Variants in PHKB observed in about 807,000 individuals in gnomAD.
PHKB encodes the protein phosphorylase kinase regulatory subunit beta, also known as phosphorylase b kinase regulatory subunit beta.
Under a neutral mutation model 152.1 loss-of-function variants are expected in PHKB, and 122 were observed. That is an observed-to-expected ratio of 0.80 (90% CI 0.69 to 0.93). The LOEUF (loss-of-function observed/expected upper bound fraction) is 0.93, where lower values mean the gene tolerates loss of function less well. Among genes scored for constraint, PHKB ranks in the 40% least tolerant of loss-of-function variants. PHKB has a pLI of 0.00. For missense variants in PHKB, 1,304 were observed against 1,328.4 expected (o/e 0.98, Z 0.29); for synonymous variants, 436 against 464.9 (o/e 0.94, Z 0.80).
At chr16:47,504,949 C>A (rs1970387098) in intron 4 of PHKB, among the ~76,000 whole-genome samples, 2 of 152,202 alleles carry the variant, frequency 1.3e-5, no homozygotes, top group Admixed American at 1.3e-4. Flanking sequence ...TGTGCCTGGT[C>A]AGGGCAAAGC....
intron 7 of PHKB, among the ~76,000 whole-genome samples, chr16:47,550,850 G>GT (rs1422036452): frequency 3.9e-5 from 6 of 152,032 alleles, no homozygotes; most frequent in Admixed American, 1.3e-4. Context: ...TGGTCCTGGG[G>GT]TTTTTTTGGT....
At chr16:47,596,339 T>A in intron 12 of PHKB, 34 bp from the exon 13 acceptor site, 1 of 1,431,780 alleles carries the variant, frequency 7.0e-7, no homozygotes, top group Non-Finnish European at 9.8e-7. Flanking sequence ...TACAGATTTG[T>A]TATATTTTAA....
intron 6 of PHKB, among the ~76,000 whole-genome samples, chr16:47,520,512 T>C (rs1970668158): frequency 6.6e-6 from 1 of 152,228 alleles, no homozygotes; most frequent in African/African-American, 2.4e-5. Flanking sequence ...TCATTTTCTA[T>C]GCTGACAGTG....
rs150361288 is a variant in PHKB, at chr16:47,662,487, G to A, written c.2278+687G>A. ...TTATTTGAAAATACTCTGTTAAGAG[G>A]TGTGTGTTGATATGGTTAGAACTGA... On this transcript the variant is annotated intron_variant, in intron 23 of 30. Transcript: ENST00000323584. 4.6e-3 allele frequency among the ~76,000 whole-genome samples: 706 copies of A among 152,282 alleles called. 1 individual carries two copies. The highest frequency in any genetic ancestry group is 7.4e-3 in the Non-Finnish European group (500 of 68,026).
At chr16:47,595,200 TGTA>T (rs1236916921) in intron 12 of PHKB, among the ~76,000 whole-genome samples, 1 of 152,206 alleles carries the variant, frequency 6.6e-6, no homozygotes, top group African/African-American at 2.4e-5. Context: ...TGCATTGAGA[TGTA>T]GTAGTTTAAT....
intron 26 of PHKB, among the ~76,000 whole-genome samples, chr16:47,680,257 T>C (rs1973823726): frequency 6.6e-6 from 1 of 152,176 alleles, no homozygotes; most frequent in Middle Eastern, 3.2e-3. Context: ...CTGCCAGGCT[T>C]TGGTATCAGG....
chr16:47,594,021 T>C (rs959100585), intron 11 of PHKB, 116 bp from the exon 12 acceptor site: 6 of 640,874 alleles, frequency 9.4e-6, no homozygotes, highest in Admixed American at 2.8e-5. Flanking sequence ...ATTTTACCAT[T>C]GGCATAGAAA....
intron 16 of PHKB, among the ~76,000 whole-genome samples, chr16:47,643,218 C>T (rs1347505118): frequency 2.6e-5 from 4 of 152,166 alleles, no homozygotes; most frequent in Admixed American, 2.0e-4. Flanking sequence ...TTCATTCATT[C>T]AGCAACAAAC....
intron 14 of PHKB, among the ~76,000 whole-genome samples, chr16:47,639,404 G>A (rs1439877959): frequency 6.6e-6 from 1 of 152,204 alleles, no homozygotes; most frequent in African/African-American, 2.4e-5. Context: ...TGCCCGTGCT[G>A]AATTCTTTCT....
At chr16:47,466,074 G>C (rs1969664226) in intron 1 of PHKB, among the ~76,000 whole-genome samples, 1 of 151,756 alleles carries the variant, frequency 6.6e-6, no homozygotes, top group Admixed American at 6.6e-5. Context: ...TTTTTTCTTT[G>C]TTTCTCCTCT....
chr16:47,681,841 AG>A (rs1221407869), intron 26 of PHKB, among the ~76,000 whole-genome samples: 1 of 152,094 alleles, frequency 6.6e-6, no homozygotes, highest in Non-Finnish European at 1.5e-5. Flanking sequence ...TTTGCTCGTT[AG>A]TTGATGCAGT....
chr16:47,581,331 A>G (rs1008768112), intron 8 of PHKB, among the ~76,000 whole-genome samples: 7 of 152,188 alleles, frequency 4.6e-5, no homozygotes, highest in Admixed American at 3.9e-4. Flanking sequence ...GGCTCTGTCT[A>G]TATGAAGGTC....
chr16:47,599,758 C>A (rs965252224), intron 13 of PHKB, among the ~76,000 whole-genome samples: 3 of 152,264 alleles, frequency 2.0e-5, no homozygotes, highest in Admixed American at 6.5e-5. Flanking sequence ...ACATACATAT[C>A]TCCAGCTGAA....
intron 1 of PHKB, among the ~76,000 whole-genome samples, chr16:47,470,846 A>G (rs1328209789): frequency 2.0e-5 from 3 of 152,136 alleles, no homozygotes; most frequent in African/African-American, 7.2e-5. Context: ...GTTTGTAATA[A>G]ATAATAGTGG....
intron 17 of PHKB, 98 bp from the exon 18 acceptor site, chr16:47,649,002 T>G (rs1973185077): frequency 3.9e-6 from 3 of 762,904 alleles, no homozygotes; most frequent in Admixed American, 1.9e-5. Flanking sequence ...TTATTCAGAA[T>G]TAGACATCAG....
At chr16:47,650,997 G>A in intron 20 of PHKB, 76 bp downstream of exon 20, 1 of 1,051,356 alleles carries the variant, frequency 9.5e-7, no homozygotes, top group Non-Finnish European at 1.5e-6. Flanking sequence ...CTTAATGTAT[G>A]GTCTATTTAA....
chr16:47,515,451 C>A lies in PHKB; in HGVS notation c.514-70C>A, dbSNP rs908353258. ...AGAGCAAATGACTTGTAATTTTAGC[C>A]TTAATTGATTAATTTTATAACTTGT... On this transcript the variant is annotated intron_variant, in intron 5 of 30. Transcript: ENST00000323584. 7.7e-6 allele frequency: 6 copies of A among 779,446 alleles called. No homozygotes were observed. The South Asian group carries it at 8.2e-5, about 11-fold the overall frequency. 48.3% of individuals were successfully genotyped at this position (779,446 alleles called of 1,614,324 possible).
intron 6 of PHKB, among the ~76,000 whole-genome samples, chr16:47,524,564 T>G (rs576826725): frequency 1.1e-4 from 17 of 152,150 alleles, no homozygotes; most frequent in African/African-American, 2.4e-4. Context: ...AGGTCAGGAG[T>G]TCGAGACCAG....
At chr16:47,515,761 A>G (rs1970585477) in intron 6 of PHKB, among the ~76,000 whole-genome samples, 160 bp downstream of exon 6, 1 of 152,078 alleles carries the variant, frequency 6.6e-6, no homozygotes, top group Non-Finnish European at 1.5e-5. Context: ...AAAAGTCTTT[A>G]TATCTTCAAT....
Sources: gnomAD v4.1 joint callset for allele counts (sites outside exome capture counted in the v4.1 genomes callset) on GRCh38, gnomAD v4.1.1 for gene constraint, MANE v1.5 for transcripts, NCBI Gene and HGNC (gene_info 2026-07-23, HGNC 2026-07-21) for gene names.